Variants in RPN1 observed in about 807,000 individuals in gnomAD.
The protein encoded by RPN1 is ribophorin I.
Under a neutral mutation model 55.5 loss-of-function variants are expected in RPN1, and 12 were observed. The ratio of observed to expected loss-of-function variants is 0.22; its 90% CI spans 0.14 to 0.35. The LOEUF is 0.35. RPN1 is among the 10% of genes least tolerant of loss of function. RPN1 has a pLI of 1.00. For synonymous variants in RPN1, 317 were observed against 305.9 expected, an observed-to-expected ratio of 1.04 and a Z score of -0.38; for missense variants, 679 against 761.3, an observed-to-expected ratio of 0.89 and a Z score of 1.27.
At chr3:128,621,146 A>ATATC (rs2069555492) in intron 9 of RPN1, among the ~76,000 whole-genome samples, 1 of 152,222 alleles carries the variant, frequency 6.6e-6, no homozygotes, top group African/African-American at 2.4e-5. Context: ...CACTAAGGAC[A>ATATC]GATAAGGGAT....
At chr3:128,646,100 C>T (rs1189400743) in intron 1 of RPN1, among the ~76,000 whole-genome samples, 2 of 149,794 alleles carry the variant, frequency 1.3e-5, no homozygotes, top group Admixed American at 6.7e-5. Flanking sequence ...AAAAATTAGC[C>T]GGGTGTGGTG....
At chr3:128,632,602 T>A (rs186293904) in intron 3 of RPN1, among the ~76,000 whole-genome samples, 221 of 152,328 alleles carry the variant, frequency 1.5e-3, no homozygotes, top group African/African-American at 4.1e-3. Flanking sequence ...CACTTTTTTT[T>A]CTTTCTTTTT....
chr3:128,623,736 G>C (rs967997349), intron 8 of RPN1, among the ~76,000 whole-genome samples: 2 of 152,072 alleles, frequency 1.3e-5, no homozygotes, highest in South Asian at 4.1e-4. Context: ...CCAGTTAATA[G>C]TATTAACTAA....
chr3:128,632,852 A>C (rs2069651393), intron 3 of RPN1, among the ~76,000 whole-genome samples: 1 of 151,984 alleles, frequency 6.6e-6, no homozygotes, highest in Non-Finnish European at 1.5e-5. Flanking sequence ...ACCTTGGCCT[A>C]CCAAAGTGCT....
intron 5 of RPN1, among the ~76,000 whole-genome samples, chr3:128,629,570 G>T (rs192791355): frequency 2.0e-5 from 3 of 152,190 alleles, no homozygotes; most frequent in Admixed American, 2.0e-4. Context: ...TCAAAAAAAA[G>T]AAAGACTTGA....
chr3:128,625,019 GGAA>G (rs909649595), intron 8 of RPN1, among the ~76,000 whole-genome samples: 1 of 152,164 alleles, frequency 6.6e-6, no homozygotes, highest in African/African-American at 2.4e-5. Flanking sequence ...GAGGAAGGAA[GGAA>G]GAAAAGAGCA....
chr3:128,624,992 T>C (rs182032822), intron 8 of RPN1, among the ~76,000 whole-genome samples: 1 of 151,716 alleles, frequency 6.6e-6, no homozygotes, highest in Admixed American at 6.6e-5. Flanking sequence ...TAAGGAACAA[T>C]GAGAGAATGA....
intron 5 of RPN1, among the ~76,000 whole-genome samples, chr3:128,628,798 G>A (rs1055762720): frequency 2.6e-5 from 4 of 151,748 alleles, no homozygotes; most frequent in African/African-American, 4.8e-5. Context: ...CCTGACCAAC[G>A]TAGTTAAACC....
chr3:128,650,474 G>A (rs989367745), intron 1 of RPN1, 66 bp downstream of exon 1: 27 of 1,452,204 alleles, frequency 1.9e-5, no homozygotes, highest in Non-Finnish European at 2.5e-5. Flanking sequence ...GGCGGAGTCG[G>A]GGGACCGCCA....
At chr3:128,632,245 T>C in intron 3 of RPN1, 88 bp from the exon 4 acceptor site, 7 of 1,177,390 alleles carry the variant, frequency 5.9e-6, no homozygotes, top group East Asian at 2.4e-5. Context: ...ACAACCTATA[T>C]ATCAGCAACA....
intron 2 of RPN1, among the ~76,000 whole-genome samples, chr3:128,639,878 C>T (rs949994720): frequency 3.9e-5 from 6 of 152,250 alleles, no homozygotes; most frequent in African/African-American, 9.6e-5. Context: ...TGAGCCACTG[C>T]GCCAGGCCCT....
intron 1 of RPN1, among the ~76,000 whole-genome samples, chr3:128,647,154 T>A (rs1373210511): frequency 6.6e-6 from 1 of 152,034 alleles, no homozygotes; most frequent in East Asian, 1.9e-4. Flanking sequence ...TGGAGCAGAC[T>A]GCAAGGGAGA....
At chr3:128,635,624 T>TATAG in intron 3 of RPN1, among the ~76,000 whole-genome samples, 1 of 29,966 alleles carries the variant, frequency 3.3e-5, no homozygotes, top group East Asian at 1.0e-3. Flanking sequence ...TATATATATA[T>TATAG]ATATATATAT....
At chr3:128,621,372 G>A (rs1227677017) in intron 9 of RPN1, among the ~76,000 whole-genome samples, 1 of 152,178 alleles carries the variant, frequency 6.6e-6, no homozygotes, top group East Asian at 1.9e-4. Flanking sequence ...GCATGGTGGT[G>A]TGCACCTGTG....
At chr3:128,635,786 A>G (rs549418882) in intron 3 of RPN1, among the ~76,000 whole-genome samples, 2 of 150,444 alleles carry the variant, frequency 1.3e-5, no homozygotes, top group Non-Finnish European at 3.0e-5. Flanking sequence ...ATATAAATAT[A>G]TAAGTGCACT....
intron 3 of RPN1, among the ~76,000 whole-genome samples, chr3:128,633,934 G>C (rs987431712): frequency 6.6e-6 from 1 of 152,160 alleles, no homozygotes; most frequent in Non-Finnish European, 1.5e-5. Context: ...AGTGAGCCGA[G>C]ATTGTGCCAC....
At chr3:128,623,576 G>T (rs1192131518) in intron 8 of RPN1, among the ~76,000 whole-genome samples, 1 of 152,128 alleles carries the variant, frequency 6.6e-6, no homozygotes, top group Non-Finnish European at 1.5e-5. Context: ...GGGCATGATG[G>T]TATGCTCCTG....
intron 4 of RPN1, among the ~76,000 whole-genome samples, chr3:128,631,712 A>C (rs1431333824): frequency 6.6e-6 from 1 of 152,200 alleles, no homozygotes; most frequent in African/African-American, 2.4e-5. Flanking sequence ...ACTATGCTCC[A>C]GCCTGGGTGG....
At position 128,625,628 on chromosome 3, in the gene RPN1, A is replaced by T. The variant is rs2069592777; in HGVS notation, c.1301T>A (p.Leu434His). The T allele has an allele frequency of 1.2e-6, 2 of 1,613,992 alleles. No homozygotes were observed. Residue 434 changes from leucine to histidine, a missense_variant, in exon 8 of 10, where the codon CTC becomes CAC. This residue lies in a region of RPN1 where 306 missense variants were observed against 360.0 expected (regional missense o/e 0.85). Transcript: ENST00000296255. ...IVVHYTFNKVLMLQEPLLVVA... is the reference protein window; with the variant it reads ...IVVHYTFNKVHMLQEPLLVVA... ...CACCAGCAGGGGCTCCTGCAGCATGAGCACCTTGTTGAACGTGTAGTGGAC... is the reference window on the plus strand; with the variant it reads ...CACCAGCAGGGGCTCCTGCAGCATGTGCACCTTGTTGAACGTGTAGTGGAC...
Sources: gnomAD v4.1 joint callset for allele counts (sites outside exome capture counted in the v4.1 genomes callset) on GRCh38, gnomAD v4.1.1 for gene constraint, gnomAD v4.1.1 regional missense constraint, MANE v1.5 for transcripts, NCBI Gene and HGNC (gene_info 2026-07-23, HGNC 2026-07-21) for gene names.